ARHGEF26: variants seen among roughly 807,000 people sequenced by gnomAD.
ARHGEF26 encodes Rho guanine nucleotide exchange factor 26, also known as Rho guanine nucleotide exchange factor (GEF) 26.
ARHGEF26 carries 59 observed loss-of-function variants against 89.4 expected under a neutral mutation model. The observed-to-expected ratio is 0.66, with a 90% CI of 0.54 to 0.82. The LOEUF (loss-of-function observed/expected upper bound fraction) is 0.82. ARHGEF26 is among the 40% of genes least tolerant of loss of function. The pLI is 0.00. For missense variants in ARHGEF26, 1,234 were observed against 1,085.6 expected (o/e 1.14, Z -1.92); for synonymous variants, 500 against 428.4 (o/e 1.17, Z -2.06).
chr3:154,229,664 GTTC>G (rs1370646609), intron 11 of ARHGEF26, among the ~76,000 whole-genome samples: 1 of 152,116 alleles, frequency 6.6e-6, no homozygotes, highest in East Asian at 1.9e-4. Flanking sequence ...TCTATCCACT[GTTC>G]GCTAGTAACA....
In ARHGEF26 at chr3:154,152,762, T is replaced by C; in HGVS notation, c.1327-10T>C. Reference sequence around the variant, plus strand: ...GAATTAATAATACATTTCTTTTTCCTTCTTACCAGGCTATCTTTGAAGTCA... The same window carrying C: ...GAATTAATAATACATTTCTTTTTCCCTCTTACCAGGCTATCTTTGAAGTCA... On this transcript the variant is annotated splice_polypyrimidine_tract_variant and intron_variant, in intron 5 of 14. Coordinates refer to ENST00000465093, the MANE Select transcript of ARHGEF26 (RefSeq NM_015595.4). The C allele has an allele frequency of 6.9e-7, 1 of 1,455,568 alleles. No individual in the cohort carries two copies. The highest frequency in any genetic ancestry group is 2.7e-5 in the Admixed American group (1 of 36,606). The allele number at this position is 1,455,568 out of a possible 1,614,324, so 90.2% of individuals were successfully genotyped here. A position where few individuals can be genotyped will look rare whatever the true frequency, so the allele number is the denominator to read the frequency against.
At position 154,257,517 on chromosome 3, in the gene ARHGEF26, T is replaced by C. The variant is rs1186321575; in HGVS notation, c.*2044T>C. 6.6e-6 allele frequency: 1 copy of C among 152,230 alleles called. No homozygotes were observed. Among genetic ancestry groups the C allele is most frequent in the Admixed American group, 6.5e-5 (1 of 15,278 alleles). 9.4% of individuals were successfully genotyped at this position (152,230 alleles called of 1,614,324 possible). A position where few individuals can be genotyped will look rare whatever the true frequency, so the allele number is the denominator to read the frequency against. ...AAAGCAACTATTTGAATCCTGTGAA[T>C]TAATTTATAAGAATGTTAAACAGCT... On this transcript the variant is annotated 3_prime_UTR_variant, in exon 15 of 15. Transcript: ENST00000465093.
chr3:154,126,224 A>C (rs960576574), intron 3 of ARHGEF26, among the ~76,000 whole-genome samples: 1 of 152,182 alleles, frequency 6.6e-6, no homozygotes, highest in African/African-American at 2.4e-5. Context: ...TGCATACAGA[A>C]TATTCTGTAG....
chr3:154,146,920 T>G (rs1400197959), intron 4 of ARHGEF26, among the ~76,000 whole-genome samples: 1 of 152,262 alleles, frequency 6.6e-6, no homozygotes, highest in Non-Finnish European at 1.5e-5. Flanking sequence ...AATCCAGTTC[T>G]TACTGCTTTG....
chr3:154,170,470 A>G (rs951600427), intron 6 of ARHGEF26, among the ~76,000 whole-genome samples: 1 of 152,236 alleles, frequency 6.6e-6, no homozygotes, highest in African/African-American at 2.4e-5. Context: ...ACATCATAAC[A>G]ATTGAGACAT....
chr3:154,254,181 C>T (rs1013668258), intron 13 of ARHGEF26, among the ~76,000 whole-genome samples: 2 of 152,172 alleles, frequency 1.3e-5, no homozygotes, highest in Admixed American at 6.5e-5. Flanking sequence ...TCCCAAAGTG[C>T]TGGGATTACA....
chr3:154,152,970 A>G (rs774591361), intron 6 of ARHGEF26, 38 bp downstream of exon 6: 9 of 1,470,168 alleles, frequency 6.1e-6, no homozygotes, highest in Non-Finnish European at 8.1e-6. Flanking sequence ...CGTGCCAAGA[A>G]GTTGCGTACT....
intron 6 of ARHGEF26, among the ~76,000 whole-genome samples, chr3:154,183,158 G>A (rs2108166356): frequency 6.6e-6 from 1 of 152,272 alleles, no homozygotes; most frequent in South Asian, 2.1e-4. Context: ...TGAAGTATGG[G>A]TGTGATTTTG....
chr3:154,253,003 C>G, intron 12 of ARHGEF26, 113 bp from the exon 13 acceptor site: 2 of 1,170,458 alleles, frequency 1.7e-6, no homozygotes, highest in Non-Finnish European at 1.2e-6. Flanking sequence ...TACCATACCT[C>G]TCTAGAGAAT....
At chr3:154,157,953 A>G (rs1461168524) in intron 6 of ARHGEF26, among the ~76,000 whole-genome samples, 2 of 152,196 alleles carry the variant, frequency 1.3e-5, no homozygotes, top group Non-Finnish European at 2.9e-5. Flanking sequence ...TTTAAATGAG[A>G]TAACTACAAC....
At chr3:154,146,895 A>G (rs1719734034) in intron 4 of ARHGEF26, among the ~76,000 whole-genome samples, 1 of 152,232 alleles carries the variant, frequency 6.6e-6, no homozygotes, top group African/African-American at 2.4e-5. Context: ...ATACAAAATC[A>G]AGAACCTCAC....
intron 4 of ARHGEF26, among the ~76,000 whole-genome samples, chr3:154,135,359 T>G (rs1718938587): frequency 6.6e-6 from 1 of 152,198 alleles, no homozygotes; most frequent in African/African-American, 2.4e-5. Flanking sequence ...CTACTTTATG[T>G]GCCTAGAGGT....
chr3:154,124,415 A>G lies in ARHGEF26; in HGVS notation c.1089A>G (p.Lys363=). Residue 363 remains lysine (K), a synonymous_variant, in exon 3 of 15, where the codon AAA becomes AAG. Transcript: ENST00000465093. ...TACTTTTTTTTGTCTCTTAGAAAAA[A>G]ATGCTGAAAGGACAAGGAACATTTG... The part of the protein sequence containing the change: ...KFSSLGRIKK[K]MLKGQGTFDG... The G allele has an allele frequency of 1.3e-6, 2 of 1,498,716 alleles. No individual in the cohort carries two copies. Among genetic ancestry groups the G allele is most frequent in the Non-Finnish European group, 1.8e-6 (2 of 1,133,684 alleles). 92.8% of individuals were successfully genotyped at this position (1,498,716 alleles called of 1,614,324 possible).
At chr3:154,133,413 C>G (rs1718806547) in intron 4 of ARHGEF26, among the ~76,000 whole-genome samples, 2 of 151,972 alleles carry the variant, frequency 1.3e-5, no homozygotes, top group South Asian at 4.2e-4. Flanking sequence ...TTTAACTGAG[C>G]CTCAATAGAA....
intron 9 of ARHGEF26, among the ~76,000 whole-genome samples, chr3:154,204,092 T>C (rs1714845929): frequency 6.6e-6 from 1 of 152,072 alleles, no homozygotes; most frequent in African/African-American, 2.4e-5. Flanking sequence ...TTTAAATGTT[T>C]AGTAGAATTC....
intron 11 of ARHGEF26, 28 bp downstream of exon 11, chr3:154,226,038 A>G: frequency 1.6e-5 from 25 of 1,587,344 alleles, no homozygotes; most frequent in Non-Finnish European, 2.1e-5. Context: ...GTTGCTGACT[A>G]GACATTCCAG....
At chr3:154,202,460 G>T (rs1269083241) in intron 9 of ARHGEF26, among the ~76,000 whole-genome samples, 1 of 152,024 alleles carries the variant, frequency 6.6e-6, no homozygotes, top group African/African-American at 2.4e-5. Flanking sequence ...TGTTCTTTTG[G>T]CTTAGGATTG....
chr3:154,182,129 C>T (rs966382102), intron 6 of ARHGEF26, among the ~76,000 whole-genome samples: 1 of 151,100 alleles, frequency 6.6e-6, no homozygotes, highest in Non-Finnish European at 1.5e-5. Context: ...CAGACATGGC[C>T]CCATCCTCTA....
intron 5 of ARHGEF26, among the ~76,000 whole-genome samples, chr3:154,151,972 TAAGGATCTAG>T (rs1720049721): frequency 6.6e-6 from 1 of 152,292 alleles, no homozygotes; most frequent in Admixed American, 6.5e-5. Flanking sequence ...TTGATTTTGT[TAAGGATCTAG>T]ATGAATTCCT....
Sources: allele counts gnomAD v4.1 joint callset (sites outside exome capture counted in the v4.1 genomes callset), GRCh38; gene constraint gnomAD v4.1.1; transcripts MANE v1.5; gene names NCBI Gene and HGNC (gene_info 2026-07-23, HGNC 2026-07-21).